NKAIN2: variants seen among roughly 807,000 people sequenced by gnomAD.
The protein encoded by NKAIN2 is sodium/potassium transporting ATPase interacting 2, also known as sodium/potassium-transporting ATPase subunit beta-1-interacting protein 2.
NKAIN2 carries 14 observed loss-of-function variants against 32.6 expected under a neutral mutation model. That is an observed-to-expected ratio of 0.43 (90% CI 0.28 to 0.67). NKAIN2 has a LOEUF of 0.67. Ranked by LOEUF, NKAIN2 falls within the 30% of genes least tolerant of loss-of-function variation. The probability of loss-of-function intolerance (pLI) is 0.17; values close to 1 mark genes in which losing one functional copy is unlikely to be tolerated. For missense variants in NKAIN2, 198 were observed against 258.3 expected, an observed-to-expected ratio of 0.77 and a Z score of 1.60; for synonymous variants, 80 against 87.2, an observed-to-expected ratio of 0.92 and a Z score of 0.46.
At chr6:123,984,875 A>G (rs1779065141) in intron 1 of NKAIN2, among the ~76,000 whole-genome samples, 1 of 152,220 alleles carries the variant, frequency 6.6e-6, no homozygotes, top group Non-Finnish European at 1.5e-5. Flanking sequence ...AAAGAAATAT[A>G]AGATTTAACA....
intron 1 of NKAIN2, among the ~76,000 whole-genome samples, chr6:124,030,513 A>G (rs1175099288): frequency 1.3e-5 from 2 of 152,188 alleles, no homozygotes; most frequent in Non-Finnish European, 2.9e-5. Context: ...ATGCAAAATC[A>G]TCAGGACAAT....
intron 3 of NKAIN2, among the ~76,000 whole-genome samples, chr6:124,529,334 TC>T (rs1249011863): frequency 3.3e-5 from 5 of 152,134 alleles, no homozygotes; most frequent in African/African-American, 1.2e-4. Flanking sequence ...CACCAAGACT[TC>T]CCTTCTCTTT....
In NKAIN2 at chr6:123,973,493, G is replaced by T. The variant is rs376808977; in HGVS notation, c.54+169239G>T. Among the ~76,000 whole-genome samples, 8 of 151,990 alleles carry T rather than the reference G, an allele frequency of 5.3e-5. No individual in the cohort carries two copies. The East Asian group carries it at 1.4e-3, about 26-fold the overall frequency. ...CAGGCCCTGGCCTGTCTATATAGAG[G>T]AGAAAAAAGGTTACCTGTTAACCAA... On this transcript the variant is annotated intron_variant, in intron 1 of 6. Coordinates refer to ENST00000368417, the MANE Select transcript of NKAIN2 (RefSeq NM_001040214.3).
At chr6:124,454,649 G>T (rs1776251669) in intron 3 of NKAIN2, among the ~76,000 whole-genome samples, 1 of 152,024 alleles carries the variant, frequency 6.6e-6, no homozygotes, top group Non-Finnish European at 1.5e-5. Flanking sequence ...AATCAGTGTA[G>T]TGAGTATCTT....
At chr6:124,230,819 C>A (rs1048941298) in intron 1 of NKAIN2, among the ~76,000 whole-genome samples, 2 of 152,228 alleles carry the variant, frequency 1.3e-5, no homozygotes, top group Non-Finnish European at 2.9e-5. Flanking sequence ...AGGGGCAGGG[C>A]TCTCATGGAG....
Position 124,680,078 on chromosome 6 carries a change from C to T in NKAIN2, c.474+21692C>T, listed in dbSNP as rs947031898. On this transcript the variant is annotated intron_variant, in intron 4 of 6. Coordinates refer to ENST00000368417, the MANE Select transcript of NKAIN2 (RefSeq NM_001040214.3). Reference sequence around the variant, plus strand: ...CTTATGTGCTATATTTTCTATTAGGCAATAATAACAAATTGTTGTTTCTAC... The same window carrying T: ...CTTATGTGCTATATTTTCTATTAGGTAATAATAACAAATTGTTGTTTCTAC... Among the ~76,000 whole-genome samples, 10 of 152,070 alleles carry T rather than the reference C, an allele frequency of 6.6e-5. No homozygotes were observed. The South Asian group carries it at 1.0e-3, about 16-fold the overall frequency.
chr6:124,344,000 A>T (rs1798275563), intron 2 of NKAIN2, among the ~76,000 whole-genome samples: 1 of 151,944 alleles, frequency 6.6e-6, no homozygotes, highest in South Asian at 2.1e-4. Flanking sequence ...TCTTAAATTA[A>T]TTTTTGTATA....
intron 1 of NKAIN2, among the ~76,000 whole-genome samples, chr6:123,951,531 C>A (rs1047024772): frequency 6.6e-6 from 1 of 151,834 alleles, no homozygotes; most frequent in Non-Finnish European, 1.5e-5. Flanking sequence ...TCGCTTTTTA[C>A]CATTTTTGAC....
chr6:124,252,772 T>C (rs1048727345), intron 1 of NKAIN2, among the ~76,000 whole-genome samples: 7 of 152,040 alleles, frequency 4.6e-5, no homozygotes, highest in Non-Finnish European at 8.8e-5. Flanking sequence ...TCAACTACCT[T>C]TGTGATTTTA....
At chr6:123,956,834 C>T (rs1458375378) in intron 1 of NKAIN2, among the ~76,000 whole-genome samples, 1 of 152,216 alleles carries the variant, frequency 6.6e-6, no homozygotes, top group African/African-American at 2.4e-5. Context: ...GCTAGCCTCT[C>T]TGTGAATCAG....
intron 1 of NKAIN2, among the ~76,000 whole-genome samples, chr6:124,054,563 G>A (rs1275013744): frequency 2.6e-5 from 4 of 151,988 alleles, no homozygotes; most frequent in African/African-American, 9.7e-5. Flanking sequence ...TCAAGCTAGG[G>A]AAATAGCACT....
At chr6:124,046,587 T>C (rs1782141314) in intron 1 of NKAIN2, among the ~76,000 whole-genome samples, 1 of 152,040 alleles carries the variant, frequency 6.6e-6, no homozygotes, top group Non-Finnish European at 1.5e-5. Context: ...GAATTTGAAT[T>C]AAGCAATAAA....
intron 1 of NKAIN2, among the ~76,000 whole-genome samples, chr6:124,144,917 G>A (rs1266481422): frequency 2.0e-5 from 3 of 152,084 alleles, no homozygotes; most frequent in Non-Finnish European, 4.4e-5. Flanking sequence ...GAATATGTAA[G>A]AAATTTTCAA....
intron 1 of NKAIN2, among the ~76,000 whole-genome samples, chr6:124,060,431 G>T (rs1782871898): frequency 6.6e-6 from 1 of 152,120 alleles, no homozygotes; most frequent in Admixed American, 6.6e-5. Context: ...AAGCTGCATA[G>T]AAAAGAGAGG....
chr6:124,112,821 C>T (rs758862391), intron 1 of NKAIN2, among the ~76,000 whole-genome samples: 1 of 151,174 alleles, frequency 6.6e-6, no homozygotes, highest in Admixed American at 6.6e-5. Flanking sequence ...TTCGCTGATA[C>T]TTTCTTCTGC....
chr6:123,816,915 G>A (rs1033907133), intron 1 of NKAIN2, among the ~76,000 whole-genome samples: 2 of 152,144 alleles, frequency 1.3e-5, no homozygotes, highest in Non-Finnish European at 2.9e-5. Flanking sequence ...AAGCTCAGCT[G>A]TTAGAAGAAT....
At chr6:124,708,648 T>C (rs914324351) in intron 4 of NKAIN2, among the ~76,000 whole-genome samples, 2 of 151,462 alleles carry the variant, frequency 1.3e-5, no homozygotes, top group South Asian at 2.1e-4. Flanking sequence ...CTGTCTGTTG[T>C]TGGTGTATAA....
chr6:124,409,089 G>T lies in NKAIN2; in HGVS notation c.273+53742G>T, dbSNP rs866942050. Among the ~76,000 whole-genome samples, 352 of 152,282 alleles carry T rather than the reference G, an allele frequency of 2.3e-3. 6 individuals are homozygous for T. The South Asian group carries it at 0.031, about 14-fold the overall frequency. ...AGTTGCCTATCAGCTTAAGGAGATT[G>T]TGGGCTGAGACAATGGGGTTTTCTA... On this transcript the variant is annotated intron_variant, in intron 3 of 6. Transcript: ENST00000368417.
At chr6:123,904,486 A>C (rs542105575) in intron 1 of NKAIN2, among the ~76,000 whole-genome samples, 63 of 152,266 alleles carry the variant, frequency 4.1e-4, no homozygotes, top group African/African-American at 1.3e-3. Context: ...AGATTTACCT[A>C]ATGGTTGTTT....
Sources: allele counts gnomAD v4.1 joint callset (sites outside exome capture counted in the v4.1 genomes callset), GRCh38; gene constraint gnomAD v4.1.1; transcripts MANE v1.5; gene names NCBI Gene and HGNC (gene_info 2026-07-23, HGNC 2026-07-21).